CACNA1E: variants seen among roughly 807,000 people sequenced by gnomAD.
CACNA1E encodes the protein calcium voltage-gated channel subunit alpha1 E.
CACNA1E carries 40 observed loss-of-function variants against 259.2 expected under a neutral mutation model. The observed-to-expected ratio is 0.15, with a 90% confidence interval of 0.12 to 0.20. The LOEUF is 0.20. Ranked by LOEUF, CACNA1E falls within the 10% of genes least tolerant of loss-of-function variation. The pLI is 1.00. For missense variants in CACNA1E, 1,874 were observed against 3,040.1 expected, an observed-to-expected ratio of 0.62 and a Z score of 9.02; for synonymous variants, 1,104 against 1,138.5, an observed-to-expected ratio of 0.97 and a Z score of 0.61.
chr1:181,482,320 T>C (rs1339137887), upstream of CACNA1E, among the ~76,000 whole-genome samples: 8 of 152,194 alleles, frequency 5.3e-5, no homozygotes. Context: ...TGGGGACACC[T>C]CTCTGCAGGG....
chr1:181,359,643 C>T (rs1214887196), intron 1 of CACNA1E, among the ~76,000 whole-genome samples: 1 of 152,160 alleles, frequency 6.6e-6, no homozygotes, highest in African/African-American at 2.4e-5. Context: ...TGGATATCCA[C>T]CCAGAAGTGT....
At chr1:181,720,952 TTTCCAGGCTCCTCCCAGGGGA>T (rs1654362194) in intron 15 of CACNA1E, 97 bp downstream of exon 15, 1 of 803,468 alleles carries the variant, frequency 1.2e-6, no homozygotes, top group African/African-American at 1.7e-5. Flanking sequence ...CTGCTTTTCC[TTTCCAGGCTCCTCCCAGGGGA>T]TTGAGGCACT....
intron 1 of CACNA1E, among the ~76,000 whole-genome samples, chr1:181,411,702 C>T (rs548844990): frequency 1.1e-4 from 16 of 152,292 alleles, no homozygotes; most frequent in African/African-American, 3.4e-4. Flanking sequence ...CTCTGCCCAC[C>T]GGGTTCAAGC....
chr1:181,566,486 G>A (rs953730225), intron 3 of CACNA1E, among the ~76,000 whole-genome samples: 1 of 152,184 alleles, frequency 6.6e-6, no homozygotes. Context: ...GACTTTCTCA[G>A]AAAAGAGAAG....
chr1:181,675,392 G>T (rs886648748), intron 7 of CACNA1E, among the ~76,000 whole-genome samples: 2 of 152,160 alleles, frequency 1.3e-5, no homozygotes, highest in African/African-American at 4.8e-5. Context: ...TGCTAAGAGC[G>T]TGTGAGAAAA....
At chr1:181,761,899 T>C (rs1232583997) in intron 32 of CACNA1E, among the ~76,000 whole-genome samples, 2 of 152,214 alleles carry the variant, frequency 1.3e-5, no homozygotes, top group Non-Finnish European at 2.9e-5. Context: ...TACTGCTTCC[T>C]TGTACTTAGT....
At chr1:181,319,829 G>A (rs1246808711) in intron 1 of CACNA1E, among the ~76,000 whole-genome samples, 2 of 152,314 alleles carry the variant, frequency 1.3e-5, no homozygotes, top group African/African-American at 2.4e-5. Context: ...ATCTTGCATC[G>A]TTTTTCCTGA....
chr1:181,793,999 A>C (rs746715156), intron 45 of CACNA1E, among the ~76,000 whole-genome samples: 7 of 152,212 alleles, frequency 4.6e-5, no homozygotes, highest in Non-Finnish European at 8.8e-5. Context: ...CCCAGCGAAC[A>C]AAATTGCATA....
intron 1 of CACNA1E, among the ~76,000 whole-genome samples, chr1:181,372,036 G>A (rs1654745323): frequency 6.6e-6 from 1 of 152,106 alleles, no homozygotes; most frequent in Non-Finnish European, 1.5e-5. Flanking sequence ...CAGGTAATGT[G>A]ATGCCTTTGT....
At chr1:181,523,587 A>G (rs997431095) in intron 3 of CACNA1E, among the ~76,000 whole-genome samples, 5 of 152,330 alleles carry the variant, frequency 3.3e-5, no homozygotes, top group Admixed American at 2.6e-4. Context: ...CTCCATCTGC[A>G]TAGAAAAAGG....
At chr1:181,551,291 T>C (rs1245066219) in intron 3 of CACNA1E, among the ~76,000 whole-genome samples, 1 of 152,244 alleles carries the variant, frequency 6.6e-6, no homozygotes, top group Non-Finnish European at 1.5e-5. Flanking sequence ...AAACTGGGCC[T>C]CCCCCTGCTT....
chr1:181,601,015 T>C (rs911692033), intron 6 of CACNA1E, among the ~76,000 whole-genome samples: 1 of 152,126 alleles, frequency 6.6e-6, no homozygotes, highest in Non-Finnish European at 1.5e-5. Context: ...CTTGGGGCTA[T>C]TTCTTCTGGA....
chr1:181,774,886 A>T (rs1659839559), intron 37 of CACNA1E, among the ~76,000 whole-genome samples: 1 of 152,218 alleles, frequency 6.6e-6, no homozygotes, highest in Non-Finnish European at 1.5e-5. Flanking sequence ...AGAGACAGAA[A>T]GCCCAGCTAA....
chr1:181,698,562 A>G (rs1651933966), intron 7 of CACNA1E, among the ~76,000 whole-genome samples: 1 of 152,160 alleles, frequency 6.6e-6, no homozygotes, highest in Admixed American at 6.6e-5. Flanking sequence ...TTTTTACAAT[A>G]CCACAGGTTT....
chr1:181,627,696 A>G (rs1018271833), intron 6 of CACNA1E, among the ~76,000 whole-genome samples: 2 of 152,202 alleles, frequency 1.3e-5, no homozygotes, highest in African/African-American at 4.8e-5. Context: ...AGGTGTTCTT[A>G]ATTATTACAA....
rs1397807645 is a variant in CACNA1E at position 181,601,783 on chromosome 1, T to C, written c.951+21007T>C. 3.3e-5 allele frequency among the ~76,000 whole-genome samples: 5 copies of C among 152,170 alleles called. No individual in the cohort carries two copies. The East Asian group carries it at 9.6e-4, about 29-fold the overall frequency. The stretch of plus-strand genomic sequence containing the variant: ...TGTAAATCAGACCATGTCCCCGCTC[T>C]GCACAGAACCCTCCAGTAGCTCCTC... On this transcript the variant is annotated intron_variant, in intron 6 of 47. Coordinates refer to ENST00000367573, the MANE Select transcript of CACNA1E (RefSeq NM_001205293.3).
At chr1:181,757,602 C>A (rs772515672) in intron 30 of CACNA1E, among the ~76,000 whole-genome samples, 1 of 152,060 alleles carries the variant, frequency 6.6e-6, no homozygotes, top group South Asian at 2.1e-4. Context: ...AAGAGAAATG[C>A]GACATAAAGT....
intron 6 of CACNA1E, among the ~76,000 whole-genome samples, chr1:181,631,356 T>G (rs1656717430): frequency 6.8e-6 from 1 of 146,244 alleles, no homozygotes; most frequent in Non-Finnish European, 1.5e-5. Context: ...TCAGGCTCTA[T>G]CCCCCTCTCT....
chr1:181,574,781 C>G (rs1650784953), intron 3 of CACNA1E, among the ~76,000 whole-genome samples: 1 of 152,158 alleles, frequency 6.6e-6, no homozygotes, highest in Non-Finnish European at 1.5e-5. Flanking sequence ...AATCCCAGCA[C>G]TTTGGGAGGC....
Sources: allele counts gnomAD v4.1 joint callset (sites outside exome capture counted in the v4.1 genomes callset), GRCh38; gene constraint gnomAD v4.1.1; transcripts MANE v1.5; gene names NCBI Gene and HGNC (gene_info 2026-07-23, HGNC 2026-07-21).